The following AGBL3 variants were observed in gnomAD, a reference collection of about 807,000 sequenced individuals.
AGBL3 encodes cytosolic carboxypeptidase 3.
AGBL3 carries 68 observed loss-of-function variants against 94.5 expected under a neutral mutation model. The ratio of observed to expected loss-of-function variants is 0.72; its 90% CI spans 0.59 to 0.88. The LOEUF (loss-of-function observed/expected upper bound fraction) is 0.88. Among genes scored for constraint, AGBL3 ranks in the 40% least tolerant of loss-of-function variants. AGBL3 has a pLI of 0.00. For synonymous variants in AGBL3, 354 were observed against 370.7 expected (o/e 0.95, Z 0.52); for missense variants, 934 against 1,103.8 (o/e 0.85, Z 2.18).
chr7:135,044,244 TCTTC>T, intron 9 of AGBL3, 93 bp downstream of exon 9: 5 of 1,213,950 alleles, frequency 4.1e-6, no homozygotes, highest in Non-Finnish European at 4.3e-6. Context: ...AATAGTACTT[TCTTC>T]CTATTTAAAT....
chr7:135,049,590 AT>A (rs1247247835), intron 11 of AGBL3, among the ~76,000 whole-genome samples: 1 of 152,012 alleles, frequency 6.6e-6, no homozygotes, highest in African/African-American at 2.4e-5. Flanking sequence ...TTAAATCTCC[AT>A]AATAGTTATA....
At chr7:135,111,347 T>C (rs1304771653) in intron 15 of AGBL3, among the ~76,000 whole-genome samples, 1 of 152,200 alleles carries the variant, frequency 6.6e-6, no homozygotes, top group Non-Finnish European at 1.5e-5. Flanking sequence ...CTTCTCAACC[T>C]ACTGCTTGAG....
At chr7:135,046,709 T>C (rs893008423) in intron 11 of AGBL3, among the ~76,000 whole-genome samples, 6 of 152,102 alleles carry the variant, frequency 3.9e-5, no homozygotes, top group African/African-American at 1.2e-4. Flanking sequence ...ACAGTTTATA[T>C]ATCAGTTTAC....
At chr7:135,060,954 A>AT (rs970767751) in intron 12 of AGBL3, among the ~76,000 whole-genome samples, 4 of 151,888 alleles carry the variant, frequency 2.6e-5, no homozygotes, top group African/African-American at 9.7e-5. Flanking sequence ...TCTATTTTTA[A>AT]TTTTTTGAGG....
intron 16 of AGBL3, among the ~76,000 whole-genome samples, 182 bp from the exon 17 acceptor site, chr7:135,134,659 T>C (rs1267324792): frequency 2.6e-5 from 4 of 151,818 alleles, no homozygotes; most frequent in African/African-American, 9.7e-5. Context: ...AGGATTGGAA[T>C]AGTGCTAAAA....
intron 12 of AGBL3, among the ~76,000 whole-genome samples, chr7:135,074,129 CT>C (rs1820236411): frequency 6.6e-6 from 1 of 152,092 alleles, no homozygotes; most frequent in Admixed American, 6.5e-5. Flanking sequence ...TGTTAATTAG[CT>C]TGATTGTGGT....
intron 15 of AGBL3, among the ~76,000 whole-genome samples, chr7:135,107,615 G>A (rs999477435): frequency 1.3e-5 from 2 of 152,120 alleles, no homozygotes; most frequent in Non-Finnish European, 2.9e-5. Context: ...TGCATTTCCT[G>A]AGAATTGTTT....
Position 135,085,227 on chromosome 7 carries a change from T to A in AGBL3, c.2110+3437T>A, listed in dbSNP as rs1461324610. On this transcript the variant is annotated intron_variant, in intron 15 of 16. Transcript: ENST00000436302. The stretch of plus-strand genomic sequence containing the variant: ...TGTTTATTTTTGCTATTGAGGTAAT[T>A]CCCTTATATATTCTGGATATTAATC... Among the ~76,000 whole-genome samples, 3 of 152,090 alleles carry A rather than the reference T, an allele frequency of 2.0e-5. 1 individual carries two copies. The Middle Eastern group carries it at 9.5e-3, about 481-fold the overall frequency.
intron 5 of AGBL3, among the ~76,000 whole-genome samples, chr7:135,024,721 T>C (rs150570163): frequency 8.5e-5 from 13 of 152,268 alleles, no homozygotes; most frequent in Non-Finnish European, 1.3e-4. Flanking sequence ...CAGGAGAAAG[T>C]TGAAACCCAA....
intron 16 of AGBL3, among the ~76,000 whole-genome samples, chr7:135,134,476 T>C (rs745750085): frequency 1.6e-4 from 25 of 152,092 alleles, no homozygotes; most frequent in Non-Finnish European, 2.8e-4. Flanking sequence ...TCCATTCTAA[T>C]AGAATAAACA....
At chr7:135,028,995 G>T (rs752154417) in intron 5 of AGBL3, among the ~76,000 whole-genome samples, 4 of 152,132 alleles carry the variant, frequency 2.6e-5, no homozygotes, top group Non-Finnish European at 4.4e-5. Flanking sequence ...TTTTTTCTGA[G>T]AGGTCAGTCT....
At chr7:135,116,822 T>TAAAAAA (rs1826386515) in intron 16 of AGBL3, among the ~76,000 whole-genome samples, 9 of 152,214 alleles carry the variant, frequency 5.9e-5, no homozygotes, top group African/African-American at 9.7e-5. Flanking sequence ...ACATTTTCTA[T>TAAAAAA]ATCAGTAGGC....
At chr7:135,086,359 A>G (rs1821335844) in intron 15 of AGBL3, among the ~76,000 whole-genome samples, 2 of 151,962 alleles carry the variant, frequency 1.3e-5, no homozygotes, top group South Asian at 4.1e-4. Context: ...TTTCATTACT[A>G]TGTTGAACAA....
At chr7:135,110,321 G>A (rs1426668473) in intron 15 of AGBL3, among the ~76,000 whole-genome samples, 1 of 152,194 alleles carries the variant, frequency 6.6e-6, no homozygotes, top group Non-Finnish European at 1.5e-5. Context: ...TTTCCTAGGG[G>A]TATGTACAGA....
At chr7:135,112,930 C>A (rs1037766259) in intron 15 of AGBL3, among the ~76,000 whole-genome samples, 2 of 152,078 alleles carry the variant, frequency 1.3e-5, no homozygotes, top group African/African-American at 4.8e-5. Flanking sequence ...GAACTCGCCA[C>A]CATGCCGACT....
chr7:135,020,909 T>C (rs962553427), intron 5 of AGBL3, among the ~76,000 whole-genome samples: 1 of 62,816 alleles, frequency 1.6e-5, no homozygotes, highest in Non-Finnish European at 3.0e-5. Context: ...GGGCCTGTTG[T>C]GGAGTGGGGG....
At chr7:135,065,037 T>C (rs1355064118) in intron 12 of AGBL3, among the ~76,000 whole-genome samples, 1 of 152,176 alleles carries the variant, frequency 6.6e-6, no homozygotes, top group Admixed American at 6.5e-5. Flanking sequence ...AAAATGACCA[T>C]AGAAATCCAG....
chr7:135,110,726 T>C (rs1304235484), intron 15 of AGBL3, among the ~76,000 whole-genome samples: 1 of 152,222 alleles, frequency 6.6e-6, no homozygotes, highest in East Asian at 1.9e-4. Context: ...TTGTGTTCAC[T>C]CACTCCTTCA....
rs77778408 is a variant in AGBL3 at position 135,120,520 on chromosome 7, C to T, written c.2342+4909C>T. Among the ~76,000 whole-genome samples, 48 of 152,192 alleles carry T rather than the reference C, an allele frequency of 3.2e-4. No individual in the cohort carries two copies. In the East Asian group the frequency reaches 8.7e-3, roughly 28 times the overall value. On this transcript the variant is annotated intron_variant, in intron 16 of 16. Coordinates refer to ENST00000436302, the MANE Select transcript of AGBL3 (RefSeq NM_178563.4). The stretch of plus-strand genomic sequence containing the variant: ...ATTCTTGAAAAATGTTCACATTACC[C>T]ACAGGAAGGCAGGAAAGAGAAAACA...
Sources: gnomAD v4.1 joint callset for allele counts (sites outside exome capture counted in the v4.1 genomes callset) on GRCh38, gnomAD v4.1.1 for gene constraint, MANE v1.5 for transcripts, NCBI Gene and HGNC (gene_info 2026-07-23, HGNC 2026-07-21) for gene names.